Variants in SPAG16 observed in about 807,000 individuals in gnomAD.
SPAG16 encodes sperm-associated antigen 16 protein.
Under a neutral mutation model 80.4 loss-of-function variants are expected in SPAG16, and 86 were observed. That is an observed-to-expected ratio of 1.07 (90% confidence interval 0.90 to 1.28). The LOEUF (loss-of-function observed/expected upper bound fraction) is 1.28, where lower values mean the gene tolerates loss of function less well. Among genes scored for constraint, SPAG16 ranks in the 50% most tolerant of loss-of-function variants. SPAG16 has a pLI of 0.00. For missense variants in SPAG16, 870 were observed against 765.3 expected (o/e 1.14, Z -1.61); for synonymous variants, 294 against 265.9 (o/e 1.11, Z -1.03).
chr2:214,057,678 T>C (rs2050018672), intron 13 of SPAG16, among the ~76,000 whole-genome samples: 1 of 152,186 alleles, frequency 6.6e-6, no homozygotes, highest in South Asian at 2.1e-4. Flanking sequence ...CGACTTCTCC[T>C]CTCTAGCTAA....
intron 1 of SPAG16, among the ~76,000 whole-genome samples, chr2:213,285,414 G>A (rs1442519391): frequency 6.6e-6 from 1 of 152,132 alleles, no homozygotes; most frequent in East Asian, 1.9e-4. Context: ...GACGGGGAGG[G>A]TTCATGAGAA....
chr2:213,342,543 A>G (rs892739565), intron 6 of SPAG16, among the ~76,000 whole-genome samples: 3 of 151,750 alleles, frequency 2.0e-5, no homozygotes, highest in African/African-American at 7.3e-5. Flanking sequence ...TGCTATCATC[A>G]ATGAGGTATA....
chr2:213,548,284 C>G (rs534411629), intron 10 of SPAG16, among the ~76,000 whole-genome samples: 1 of 152,098 alleles, frequency 6.6e-6, no homozygotes, highest in African/African-American at 2.4e-5. Context: ...GCGATCTTGG[C>G]GCACTACAAC....
chr2:213,962,762 G>C (rs973713448), intron 12 of SPAG16, among the ~76,000 whole-genome samples: 5 of 152,252 alleles, frequency 3.3e-5, no homozygotes, highest in Non-Finnish European at 2.9e-5. Context: ...AAAATTTTCT[G>C]TTTCTTCTAG....
intron 15 of SPAG16, among the ~76,000 whole-genome samples, chr2:214,193,536 G>C (rs1305556261): frequency 6.6e-6 from 1 of 151,760 alleles, no homozygotes; most frequent in Non-Finnish European, 1.5e-5. Flanking sequence ...GGTCCTGGCA[G>C]TAATAAATCT....
intron 10 of SPAG16, among the ~76,000 whole-genome samples, chr2:213,626,680 CTT>C (rs2061973947): frequency 9.7e-6 from 1 of 103,116 alleles, no homozygotes; most frequent in Non-Finnish European, 1.8e-5. Flanking sequence ...GATGGAGTCT[CTT>C]TGTTGCCCAG....
rs78273273 is a variant in SPAG16, at chr2:213,565,649, T to C, written c.1070+75559T>C. Reference sequence around the variant, plus strand: ...AGAGGTTGAGAACACACCAGGATTGTCAGGAAGCGAAACTTAGAAATAAGG... The same window carrying C: ...AGAGGTTGAGAACACACCAGGATTGCCAGGAAGCGAAACTTAGAAATAAGG... On this transcript the variant is annotated intron_variant, in intron 10 of 15. Transcript: ENST00000331683. Among the ~76,000 whole-genome samples, 114 of 152,232 alleles carry C rather than the reference T, an allele frequency of 7.5e-4. 1 individual carries two copies. In the East Asian group the frequency reaches 0.019, roughly 25 times the overall value.
intron 9 of SPAG16, among the ~76,000 whole-genome samples, chr2:213,408,070 G>C (rs368883952): frequency 9.3e-5 from 14 of 151,348 alleles, no homozygotes; most frequent in African/African-American, 3.4e-4. Context: ...GGAGAGGCAG[G>C]AGAGAGAGAA....
At chr2:214,337,597 C>A (rs6759776) in intron 15 of SPAG16, among the ~76,000 whole-genome samples, 3,421 of 152,122 alleles carry the variant, frequency 0.022, 135 homozygotes, top group African/African-American at 0.078. Flanking sequence ...AGGGAGAGAA[C>A]AATAAAACCA....
intron 10 of SPAG16, among the ~76,000 whole-genome samples, chr2:213,754,822 GTTA>G (rs2068247438): frequency 6.6e-6 from 1 of 152,178 alleles, no homozygotes; most frequent in East Asian, 1.9e-4. Flanking sequence ...CTTAAGACAT[GTTA>G]AGCAATGTGA....
intron 10 of SPAG16, among the ~76,000 whole-genome samples, chr2:213,639,424 G>T (rs1363595016): frequency 1.3e-5 from 2 of 152,160 alleles, no homozygotes; most frequent in Non-Finnish European, 2.9e-5. Context: ...AGCAGTTCTT[G>T]TAGTGCTGGC....
intron 15 of SPAG16, among the ~76,000 whole-genome samples, chr2:214,357,954 G>A (rs1178429268): frequency 7.2e-5 from 11 of 152,002 alleles, no homozygotes; most frequent in Admixed American, 2.0e-4. Flanking sequence ...TCTTAGGAAC[G>A]TGAGTTTATG....
intron 12 of SPAG16, among the ~76,000 whole-genome samples, chr2:213,939,842 G>A (rs889577361): frequency 1.3e-5 from 2 of 152,134 alleles, no homozygotes; most frequent in Non-Finnish European, 2.9e-5. Flanking sequence ...ACAAAGATGT[G>A]CTGTATCTCA....
At chr2:213,347,173 A>C (rs549069211) in intron 6 of SPAG16, among the ~76,000 whole-genome samples, 162 of 152,270 alleles carry the variant, frequency 1.1e-3, no homozygotes, top group African/African-American at 3.8e-3. Flanking sequence ...TTATTTGCAT[A>C]GAGGTGTTTA....
chr2:213,612,684 A>T (rs2061474510), intron 10 of SPAG16, among the ~76,000 whole-genome samples: 1 of 152,180 alleles, frequency 6.6e-6, no homozygotes, highest in East Asian at 1.9e-4. Flanking sequence ...TAAAAATTAA[A>T]ATAATTTTTT....
At position 214,014,080 on chromosome 2, in the gene SPAG16, A is replaced by G. The variant is rs1290982247; in HGVS notation, c.1527+3A>G. The G allele has an allele frequency of 1.9e-6, 3 of 1,611,912 alleles. No individual in the cohort carries two copies. The highest frequency in any genetic ancestry group is 2.2e-5 in the East Asian group (1 of 44,772). ...TGTCTATATGGGATGCAAGAACAGT[A>G]AGCAAATCATTCACTTTTTTTCCCA... is the stretch of plus-strand genomic sequence containing the variant. On this transcript the variant is annotated splice_donor_region_variant and intron_variant, in intron 13 of 15. Coordinates refer to ENST00000331683, the MANE Select transcript of SPAG16 (RefSeq NM_024532.5).
chr2:213,343,515 A>C (rs2064804910), intron 6 of SPAG16, among the ~76,000 whole-genome samples: 1 of 152,184 alleles, frequency 6.6e-6, no homozygotes, highest in Non-Finnish European at 1.5e-5. Context: ...GCAGGAAGAC[A>C]TGTCCTATAA....
At chr2:213,633,010 C>T (rs559818401) in intron 10 of SPAG16, among the ~76,000 whole-genome samples, 14 of 152,218 alleles carry the variant, frequency 9.2e-5, no homozygotes, top group Admixed American at 3.3e-4. Flanking sequence ...AGTACTCCCA[C>T]CTTTGTTTTT....
At chr2:213,734,300 C>T (rs1330353594) in intron 10 of SPAG16, among the ~76,000 whole-genome samples, 2 of 152,150 alleles carry the variant, frequency 1.3e-5, no homozygotes, top group Admixed American at 1.3e-4. Context: ...ATCTTAAATT[C>T]AGTTCTTAGC....
Sources: gnomAD v4.1 joint callset for allele counts (sites outside exome capture counted in the v4.1 genomes callset) on GRCh38, gnomAD v4.1.1 for gene constraint, MANE v1.5 for transcripts, NCBI Gene and HGNC (gene_info 2026-07-23, HGNC 2026-07-21) for gene names.